SEZ6L: variants seen among roughly 807,000 people sequenced by gnomAD.
SEZ6L encodes seizure related 6 homolog like.
Under a neutral mutation model 106.2 loss-of-function variants are expected in SEZ6L, and 37 were observed. The ratio of observed to expected loss-of-function variants is 0.35; its 90% confidence interval spans 0.27 to 0.46. The LOEUF (loss-of-function observed/expected upper bound fraction) is 0.46. Among genes scored for constraint, SEZ6L ranks in the 20% least tolerant of loss-of-function variants. SEZ6L has a pLI of 1.00. For missense variants in SEZ6L, 1,172 were observed against 1,332.8 expected, an observed-to-expected ratio of 0.88 and a Z score of 1.88; for synonymous variants, 541 against 570.4, an observed-to-expected ratio of 0.95 and a Z score of 0.73.
At chr22:26,255,622 G>A (rs1490223406) in intron 1 of SEZ6L, among the ~76,000 whole-genome samples, 1 of 152,214 alleles carries the variant, frequency 6.6e-6, no homozygotes, top group African/African-American at 2.4e-5. Context: ...TCTCTGCTAG[G>A]AAATCTCAGA....
At position 26,292,636 on chromosome 22, in the gene SEZ6L, C is replaced by A; in HGVS notation, c.325C>A (p.Pro109Thr). 1 of 1,613,224 alleles carries A rather than the reference C, an allele frequency of 6.2e-7. No homozygotes were observed. Among genetic ancestry groups the A allele is most frequent in the Non-Finnish European group, 8.5e-7 (1 of 1,179,772 alleles). Residue 109 changes from proline to threonine, a missense_variant, in exon 2 of 17, where the codon CCC becomes ACC. This residue lies in a region of SEZ6L where 494 missense variants were observed against 445.8 expected (regional missense o/e 1.11). Transcript: ENST00000248933. ...LSPLLPEEAR[P>T]KHALPPKKKL... ...ACCGCTGCTTCCAGAGGAGGCCCGCCCCAAGCACGCCTTGCCCCCCAAGAA... is the reference window on the plus strand; with the variant it reads ...ACCGCTGCTTCCAGAGGAGGCCCGCACCAAGCACGCCTTGCCCCCCAAGAA...
At chr22:26,242,803 G>T (rs2079183026) in intron 1 of SEZ6L, 1 of 152,184 alleles carries the variant, frequency 6.6e-6, no homozygotes, top group Non-Finnish European at 1.5e-5. Context: ...GGTCAAGATG[G>T]CAGGGATTCA....
chr22:26,209,674 GAT>G (rs931338242), intron 1 of SEZ6L, among the ~76,000 whole-genome samples: 1 of 149,636 alleles, frequency 6.7e-6, no homozygotes, highest in African/African-American at 2.5e-5. Context: ...TGGATGGAGA[GAT>G]AGATGACAGG....
chr22:26,169,833 G>A, intron 1 of SEZ6L, 70 bp downstream of exon 1: 1 of 729,506 alleles, frequency 1.4e-6, no homozygotes, highest in Non-Finnish European at 1.9e-6. Context: ...CAGGGGTCGG[G>A]GCTGACCAGG....
intron 1 of SEZ6L, among the ~76,000 whole-genome samples, chr22:26,233,314 C>A (rs955789190): frequency 2.0e-5 from 3 of 152,170 alleles, no homozygotes; most frequent in Non-Finnish European, 2.9e-5. Flanking sequence ...TCATGGGTGG[C>A]GTGATCCCCC....
intron 1 of SEZ6L, among the ~76,000 whole-genome samples, chr22:26,267,171 C>A (rs574781589): frequency 6.6e-6 from 1 of 152,318 alleles, no homozygotes; most frequent in East Asian, 1.9e-4. Flanking sequence ...TGCTCTCATA[C>A]CCATTTCACA....
At chr22:26,263,187 A>G (rs1165978667) in intron 1 of SEZ6L, among the ~76,000 whole-genome samples, 1 of 152,204 alleles carries the variant, frequency 6.6e-6, no homozygotes, top group Non-Finnish European at 1.5e-5. Flanking sequence ...AAGAGGGGGA[A>G]GTTATTACCT....
At chr22:26,208,794 A>G (rs1941427103) in intron 1 of SEZ6L, among the ~76,000 whole-genome samples, 1 of 150,700 alleles carries the variant, frequency 6.6e-6, no homozygotes, top group East Asian at 1.9e-4. Context: ...CAACTATTAT[A>G]TATTTAAACA....
At chr22:26,304,398 AAGAAAG>A (rs1289947467) in intron 5 of SEZ6L, among the ~76,000 whole-genome samples, 4 of 150,432 alleles carry the variant, frequency 2.7e-5, no homozygotes, top group African/African-American at 4.9e-5. Context: ...GAAAGAAAGA[AAGAAAG>A]AAAGAAAGAA....
At chr22:26,349,354 A>G (rs4822710) in intron 11 of SEZ6L, among the ~76,000 whole-genome samples, 38,873 of 152,138 alleles carry the variant, frequency 0.26, 5,406 homozygotes, top group East Asian at 0.39. Context: ...TTAAAATTAC[A>G]TTGGTAACGA....
chr22:26,265,779 G>C (rs150200127), intron 1 of SEZ6L, among the ~76,000 whole-genome samples: 1 of 152,152 alleles, frequency 6.6e-6, no homozygotes, highest in African/African-American at 2.4e-5. Context: ...GTTTGTGGTC[G>C]GTGGCAAGAG....
intron 1 of SEZ6L, among the ~76,000 whole-genome samples, chr22:26,286,455 C>G (rs1264689765): frequency 6.6e-6 from 1 of 152,200 alleles, no homozygotes; most frequent in East Asian, 1.9e-4. Flanking sequence ...CAGAGGCCAC[C>G]AGGGCCTCCA....
At chr22:26,305,607 C>T (rs1238720932) in intron 5 of SEZ6L, among the ~76,000 whole-genome samples, 3 of 152,182 alleles carry the variant, frequency 2.0e-5, no homozygotes, top group Non-Finnish European at 2.9e-5. Flanking sequence ...TGTGAACTGC[C>T]TGTTTATATC....
At chr22:26,300,504 A>T (rs2081422166) in intron 5 of SEZ6L, among the ~76,000 whole-genome samples, 1 of 152,212 alleles carries the variant, frequency 6.6e-6, no homozygotes, top group African/African-American at 2.4e-5. Context: ...TTATGGCTGC[A>T]TAGTATTCCA....
At chr22:26,253,371 A>C (rs5752296) in intron 1 of SEZ6L, among the ~76,000 whole-genome samples, 22,669 of 152,088 alleles carry the variant, frequency 0.15, 2,256 homozygotes, top group East Asian at 0.35. Context: ...GCTGCTGCTG[A>C]TGATGATGAT....
intron 1 of SEZ6L, among the ~76,000 whole-genome samples, chr22:26,288,897 C>T (rs1017820331): frequency 1.3e-5 from 2 of 152,052 alleles, no homozygotes; most frequent in African/African-American, 4.8e-5. Context: ...TGCAAAGGAG[C>T]TGGCTGGCCA....
chr22:26,262,592 TAA>T (rs2080050307), intron 1 of SEZ6L, among the ~76,000 whole-genome samples: 1 of 152,162 alleles, frequency 6.6e-6, no homozygotes. Flanking sequence ...AGGACAGACG[TAA>T]GTGTTACCAG....
At chr22:26,255,428 G>A (rs1337604071) in intron 1 of SEZ6L, among the ~76,000 whole-genome samples, 1 of 152,164 alleles carries the variant, frequency 6.6e-6, no homozygotes, top group Non-Finnish European at 1.5e-5. Flanking sequence ...ATTTCAAAGT[G>A]GTGTCTCCAA....
chr22:26,239,100 T>A (rs2079035853), intron 1 of SEZ6L, among the ~76,000 whole-genome samples: 1 of 152,194 alleles, frequency 6.6e-6, no homozygotes, highest in African/African-American at 2.4e-5. Flanking sequence ...GTCATGTGCT[T>A]GTAGTCCCAG....
Sources: gnomAD v4.1 joint callset for allele counts (sites outside exome capture counted in the v4.1 genomes callset) on GRCh38, gnomAD v4.1.1 for gene constraint, gnomAD v4.1.1 regional missense constraint, MANE v1.5 for transcripts, NCBI Gene and HGNC (gene_info 2026-07-23, HGNC 2026-07-21) for gene names.